TNS3: variants seen among roughly 807,000 people sequenced by gnomAD.
TNS3 encodes tensin-3.
A neutral mutation model predicts 140.9 loss-of-function variants in TNS3; 45 were observed. The observed-to-expected ratio is 0.32, with a 90% CI of 0.25 to 0.41. TNS3 has a LOEUF of 0.41. Ranked by LOEUF, TNS3 falls within the 10% of genes least tolerant of loss-of-function variation. The pLI, the probability that TNS3 is intolerant of heterozygous loss-of-function variation, is 1.00. For missense variants in TNS3, 1,716 were observed against 1,906.7 expected (o/e 0.90, Z 1.86); for synonymous variants, 815 against 788.4 (o/e 1.03, Z -0.56).
intron 3 of TNS3, 21 bp from the exon 4 acceptor site, chr7:47,481,162 AGATAAGCAAATG>A: frequency 7.8e-7 from 1 of 1,289,592 alleles, no homozygotes. Flanking sequence ...GAGAAGAAAC[AGATAAGCAAATG>A]GATTCTCCAG....
Position 47,369,215 on chromosome 7 carries a change from A to G in TNS3, c.1431T>C (p.Ile477=). Residue 477 remains isoleucine, a synonymous_variant, in exon 17 of 31, where the codon ATT becomes ATC. Coordinates refer to ENST00000311160, the MANE Select transcript of TNS3 (RefSeq NM_022748.12). ...CGTGGTGGGGCATCTCGTCATCCAGAATGTCTGTCTCCCGATCCTTCAGAG... is the reference window on the plus strand; with the variant it reads ...CGTGGTGGGGCATCTCGTCATCCAGGATGTCTGTCTCCCGATCCTTCAGAG... ...DAALKDRETD[I]LDDEMPHHDL... is the part of the protein sequence containing the mutation. 1 of 1,614,082 alleles carries G rather than the reference A, an allele frequency of 6.2e-7. No individual in the cohort carries two copies. Among genetic ancestry groups the G allele is most frequent in the Non-Finnish European group, 8.5e-7 (1 of 1,180,016 alleles).
chr7:47,344,015 T>C (rs187000920), intron 20 of TNS3, among the ~76,000 whole-genome samples: 46 of 152,206 alleles, frequency 3.0e-4, no homozygotes, highest in Non-Finnish European at 5.1e-4. Flanking sequence ...ACGTGCCTAA[T>C]AACCATTAAC....
At chr7:47,367,959 T>G (rs919211422) in intron 17 of TNS3, among the ~76,000 whole-genome samples, 8 of 152,226 alleles carry the variant, frequency 5.3e-5, no homozygotes, top group Non-Finnish European at 1.0e-4. Flanking sequence ...CTGGCATTCT[T>G]CCACAAAGCC....
intron 2 of TNS3, among the ~76,000 whole-genome samples, chr7:47,512,657 G>A (rs1053960768): frequency 1.3e-5 from 2 of 152,224 alleles, no homozygotes; most frequent in African/African-American, 4.8e-5. Flanking sequence ...AATGACACTG[G>A]AGAGAGACCT....
intron 15 of TNS3, among the ~76,000 whole-genome samples, chr7:47,398,653 G>A (rs909584376): frequency 1.3e-5 from 2 of 152,114 alleles, no homozygotes; most frequent in Admixed American, 1.3e-4. Context: ...CAACAAACTA[G>A]GCATAGAAGG....
rs768906226 is a variant in TNS3, at chr7:47,344,979, G to A, written c.2511C>T (p.Ser837=). 1 of 1,614,226 alleles carries A rather than the reference G, an allele frequency of 6.2e-7. No homozygotes were observed. The highest frequency in any genetic ancestry group is 1.7e-5 in the Admixed American group (1 of 60,028). ...CTGGAGTTGAACACATGGACTCCTT[G>A]CTACTTAAAATTCTGCCATCGATAA... The part of the protein sequence containing the change: ...LDIIDGRILS[S]KESMCSTPAF... The change falls in exon 19 of 31, where the codon AGC becomes AGT. Residue 837 remains serine, a synonymous_variant. Coordinates refer to ENST00000311160, the MANE Select transcript of TNS3 (RefSeq NM_022748.12).
intron 17 of TNS3, among the ~76,000 whole-genome samples, chr7:47,355,354 G>T (rs1305126359): frequency 1.3e-5 from 2 of 152,214 alleles, no homozygotes; most frequent in Admixed American, 1.3e-4. Flanking sequence ...ACAGGGTGGG[G>T]GACGGTCCTG....
intron 1 of TNS3, among the ~76,000 whole-genome samples, chr7:47,547,277 T>G (rs989324834): frequency 2.6e-5 from 4 of 152,016 alleles, no homozygotes; most frequent in Non-Finnish European, 5.9e-5. Flanking sequence ...AAGAATTGTG[T>G]TGACTTCAAC....
chr7:47,339,711 T>C (rs1371854483), intron 20 of TNS3, among the ~76,000 whole-genome samples: 1 of 152,140 alleles, frequency 6.6e-6, no homozygotes, highest in Admixed American at 6.5e-5. Context: ...ATGTTGTCTA[T>C]ATCTACAAAA....
intron 4 of TNS3, among the ~76,000 whole-genome samples, chr7:47,445,721 CT>C (rs1795696469): frequency 6.6e-6 from 1 of 152,212 alleles, no homozygotes; most frequent in African/African-American, 2.4e-5. Flanking sequence ...ACAGGTCCCC[CT>C]GACACACTGG....
intron 28 of TNS3, 43 bp from the exon 29 acceptor site, chr7:47,280,397 G>A (rs375915749): frequency 9.3e-5 from 148 of 1,588,216 alleles, no homozygotes; most frequent in Non-Finnish European, 1.1e-4. Context: ...TGTTACTAGG[G>A]CTTTTGGGTG....
chr7:47,389,608 C>A (rs1180832967), intron 16 of TNS3, among the ~76,000 whole-genome samples: 1 of 152,160 alleles, frequency 6.6e-6, no homozygotes, highest in African/African-American at 2.4e-5. Context: ...ATGCCACCCT[C>A]CTCTTCTGAT....
chr7:47,483,949 G>A (rs1210733155), intron 3 of TNS3, among the ~76,000 whole-genome samples: 2 of 152,234 alleles, frequency 1.3e-5, no homozygotes, highest in Non-Finnish European at 2.9e-5. Flanking sequence ...ACCCCACAGA[G>A]CTTACGGCTC....
At chr7:47,293,655 AAAT>A in intron 25 of TNS3, 75 bp downstream of exon 25, 1 of 1,304,852 alleles carries the variant, frequency 7.7e-7, no homozygotes. Flanking sequence ...TGATAGTCCC[AAAT>A]CTCAGGTTGG....
intron 3 of TNS3, among the ~76,000 whole-genome samples, chr7:47,493,480 A>C (rs1562801441): frequency 6.6e-6 from 1 of 152,168 alleles, no homozygotes; most frequent in Non-Finnish European, 1.5e-5. Context: ...TAACAATCAC[A>C]TGATGAACAG....
chr7:47,345,441 C>T (rs1025682561), intron 18 of TNS3, among the ~76,000 whole-genome samples: 3 of 152,140 alleles, frequency 2.0e-5, no homozygotes, highest in Admixed American at 6.5e-5. Context: ...ATTTTAAATA[C>T]ATAGCACAGA....
At chr7:47,493,336 T>C (rs1584767046) in intron 3 of TNS3, among the ~76,000 whole-genome samples, 1 of 152,214 alleles carries the variant, frequency 6.6e-6, no homozygotes, top group African/African-American at 2.4e-5. Context: ...GAATTAGCAG[T>C]TGCCTTCGAA....
At chr7:47,292,535 C>T (rs1042734703) in intron 26 of TNS3, among the ~76,000 whole-genome samples, 1 of 152,218 alleles carries the variant, frequency 6.6e-6, no homozygotes. Flanking sequence ...GACCCTGAAG[C>T]CTTCTTTGTC....
intron 2 of TNS3, among the ~76,000 whole-genome samples, chr7:47,511,077 C>T (rs1007637100): frequency 6.6e-6 from 1 of 152,204 alleles, no homozygotes; most frequent in Admixed American, 6.5e-5. Flanking sequence ...AAAAGATGCA[C>T]TTGGTGTGCA....
Sources: allele counts gnomAD v4.1 joint callset (sites outside exome capture counted in the v4.1 genomes callset), GRCh38; gene constraint gnomAD v4.1.1; transcripts MANE v1.5; gene names NCBI Gene and HGNC (gene_info 2026-07-23, HGNC 2026-07-21).